The following UBE2M variants were observed in gnomAD, a reference collection of about 807,000 sequenced individuals.
UBE2M encodes NEDD8-conjugating enzyme Ubc12.
UBE2M carries 2 observed loss-of-function variants against 23.5 expected under a neutral mutation model. That is an observed-to-expected ratio of 0.09 (90% CI 0.03 to 0.27). UBE2M has a LOEUF of 0.27. Among genes scored for constraint, UBE2M ranks in the 10% least tolerant of loss-of-function variants. The probability of loss-of-function intolerance (pLI) is 1.00; values close to 1 mark genes in which losing one functional copy is unlikely to be tolerated. For missense variants in UBE2M, 103 were observed against 232.9 expected (o/e 0.44, Z 3.63); for synonymous variants, 97 against 95.2 (o/e 1.02, Z -0.11).
chr19:58,555,991 C>T lies in UBE2M; in HGVS notation c.*98G>A. 1 of 1,483,620 alleles carries T rather than the reference C, an allele frequency of 6.7e-7. No homozygotes were observed. Among genetic ancestry groups the T allele is most frequent in the Admixed American group, 2.1e-5 (1 of 48,028 alleles). 91.9% of individuals were successfully genotyped at this position (1,483,620 alleles called of 1,614,324 possible). Reference sequence around the variant, plus strand: ...GCAAGGCCAAGGCAGGGGATTCCCCCACCGGCCGCCCCCCAAACCCCTACC... The same window carrying T: ...GCAAGGCCAAGGCAGGGGATTCCCCTACCGGCCGCCCCCCAAACCCCTACC... On this transcript the variant is annotated 3_prime_UTR_variant, in exon 6 of 6. Transcript: ENST00000253023.
Position 58,556,629 on chromosome 19 carries a change from C to T in UBE2M, c.347+58G>A, listed in dbSNP as rs755219957. The T allele has an allele frequency of 1.4e-6, 2 of 1,433,494 alleles. No homozygotes were observed. The highest frequency in any genetic ancestry group is 1.9e-6 in the Non-Finnish European group (2 of 1,061,232). 88.8% of individuals were successfully genotyped at this position (1,433,494 alleles called of 1,614,324 possible). A position where few individuals can be genotyped will look rare whatever the true frequency, so the allele number is the denominator to read the frequency against. On this transcript the variant is annotated intron_variant, in intron 4 of 5. Transcript: ENST00000253023. The surrounding 1 kb of genome is among the most constrained non-coding windows in gnomAD (Gnocchi z 4.9). ...GAGTCTGATGTAGTGCCCACAAGAC[C>T]ATGAGGGAGGCCTGGCAGGCAGCGC...
In UBE2M at chr19:58,556,174, T is replaced by C; in HGVS notation, c.467A>G (p.Asn156Ser). 1 of 1,614,098 alleles carries C rather than the reference T, an allele frequency of 6.2e-7. No individual in the cohort carries two copies. Among genetic ancestry groups the C allele is most frequent in the Non-Finnish European group, 8.5e-7 (1 of 1,180,004 alleles). The change falls in exon 6 of 6, where the codon AAC becomes AGC. Residue 156 changes from asparagine to serine, a missense_variant. Asn to Ser is a conservative substitution (Grantham distance 46). Coordinates refer to ENST00000253023, the MANE Select transcript of UBE2M (RefSeq NM_003969.4). This position sits in a 1 kb window ranked among gnomAD's most constrained non-coding sequence, Gnocchi z 4.9. The part of the protein sequence containing the change: ...NKEAAEVLQN[N>S]RRLFEQNVQR... ...CACGTTCTGCTCAAACAGCCGCCGG[T>C]TGTTCTGCAGGACCTCTGCGGCCTC...
Position 58,555,999 on chromosome 19 carries a change from GC to G in UBE2M, c.*89del. The G allele has an allele frequency of 6.7e-7, 1 of 1,500,100 alleles. No individual in the cohort carries two copies. The highest frequency in any genetic ancestry group is 9.0e-7 in the Non-Finnish European group (1 of 1,115,270). 92.9% of individuals were successfully genotyped at this position (1,500,100 alleles called of 1,614,324 possible). On this transcript the variant is annotated 3_prime_UTR_variant, in exon 6 of 6. Transcript: ENST00000253023. ...AAGGCAGGGGATTCCCCCACCGGCC[GC>G]CCCCCAAACCCCTACCCATGGCCCC...
In UBE2M at chr19:58,557,169, T is replaced by C. The variant is rs539036249; in HGVS notation, c.110-12A>G. 49 of 1,612,848 alleles carry C rather than the reference T, an allele frequency of 3.0e-5. No individual in the cohort carries two copies. The South Asian group carries it at 3.1e-4, about 10-fold the overall frequency. On this transcript the variant is annotated splice_polypyrimidine_tract_variant and intron_variant, in intron 1 of 5. Coordinates refer to ENST00000253023, the MANE Select transcript of UBE2M (RefSeq NM_003969.4). Reference sequence around the variant, plus strand: ...CAGCTCGTTTATGTCTGGGTTTGGGTAGCAGAGAGTCGGGAACAGAAAGAG... The same window carrying C: ...CAGCTCGTTTATGTCTGGGTTTGGGCAGCAGAGAGTCGGGAACAGAAAGAG...
At position 58,558,045 on chromosome 19, in the gene UBE2M, G is replaced by A. The variant is rs926301644; in HGVS notation, c.109+228C>T. On this transcript the variant is annotated intron_variant, in intron 1 of 5. Transcript: ENST00000253023. This position sits in a 1 kb window ranked among gnomAD's most constrained non-coding sequence, Gnocchi z 4.7. Reference sequence around the variant, plus strand: ...TCCGAGTCCCTAGTAGCAGACACCAGGCCTTCCTAATATCCTAAACCACCA... The same window carrying A: ...TCCGAGTCCCTAGTAGCAGACACCAAGCCTTCCTAATATCCTAAACCACCA... Among the ~76,000 whole-genome samples the A allele has an allele frequency of 2.6e-5, 4 of 151,868 alleles. No homozygotes were observed. The highest frequency in any genetic ancestry group is 4.4e-5 in the Non-Finnish European group (3 of 67,972).
At chr19:58,557,638 C>G (rs1312043787) in intron 1 of UBE2M, among the ~76,000 whole-genome samples, 2 of 151,572 alleles carry the variant, frequency 1.3e-5, no homozygotes, top group Admixed American at 1.3e-4. Context: ...CCCCCACACT[C>G]TCAAGTCCCC....
chr19:58,557,403 C>T (rs1014902379), intron 1 of UBE2M, among the ~76,000 whole-genome samples: 3 of 151,988 alleles, frequency 2.0e-5, no homozygotes, highest in Non-Finnish European at 4.4e-5. Context: ...CGTGTCCCAA[C>T]TCCTGGCCCA....
At position 58,556,662 on chromosome 19, in the gene UBE2M, G is replaced by A. The variant is rs371953417; in HGVS notation, c.347+25C>T. 1.3e-6 allele frequency: 2 copies of A among 1,513,698 alleles called. No individual in the cohort carries two copies. Among genetic ancestry groups the A allele is most frequent in the South Asian group, 1.3e-5 (1 of 74,866 alleles). 93.8% of individuals were successfully genotyped at this position (1,513,698 alleles called of 1,614,324 possible). A position where few individuals can be genotyped will look rare whatever the true frequency, so the allele number is the denominator to read the frequency against. On this transcript the variant is annotated intron_variant, in intron 4 of 5. Transcript: ENST00000253023. The surrounding 1 kb of genome is among the most constrained non-coding windows in gnomAD (Gnocchi z 4.9). ...AGGCCTGGCAGGCAGCGCTGAGGAG[G>A]GCATTAGAGGGCCAGTGTCCTCACC...
At position 58,556,995 on chromosome 19, in the gene UBE2M, ATG is replaced by A; in HGVS notation, c.204+66_205-66del. Reference sequence around the variant, plus strand: ...TCCTGTGGGGCCCGATGGGCAGAACATGTCTCCCTCCTCTCAGTGGGGACACC... The same window carrying A: ...TCCTGTGGGGCCCGATGGGCAGAACATCTCCCTCCTCTCAGTGGGGACACC... On this transcript the variant is annotated intron_variant, in intron 2 of 5. Transcript: ENST00000253023. The surrounding 1 kb of genome is among the most constrained non-coding windows in gnomAD (Gnocchi z 4.9). 2.5e-6 allele frequency: 4 copies of A among 1,613,618 alleles called. No individual in the cohort carries two copies. Among genetic ancestry groups the A allele is most frequent in the Non-Finnish European group, 3.4e-6 (4 of 1,179,648 alleles).
Position 58,558,288 on chromosome 19 carries a change from G to A in UBE2M, c.94C>T (p.Leu32=). 1 of 1,602,858 alleles carries A rather than the reference G, an allele frequency of 6.2e-7. No individual in the cohort carries two copies. Among genetic ancestry groups the A allele is most frequent in the Admixed American group, 1.7e-5 (1 of 58,976 alleles). The change falls in exon 1 of 6, where the codon CTG becomes TTG. Residue 32 remains leucine (L), a synonymous_variant. Transcript: ENST00000253023. This position sits in a 1 kb window ranked among gnomAD's most constrained non-coding sequence, Gnocchi z 4.7. ...GSSKKASAAQ[L]RIQKDINELN... ...GACCCCCTACCCTTCTGGATCCGCA[G>A]CTGCGCCGCCGACGCCTTCTTGCTG... is the stretch of plus-strand genomic sequence containing the variant.
Position 58,556,731 on chromosome 19 carries a change from G to A in UBE2M, c.303C>T (p.His101=), listed in dbSNP as rs147860527. The A allele has an allele frequency of 3.2e-6, 5 of 1,547,030 alleles. No individual in the cohort carries two copies. The highest frequency in any genetic ancestry group is 4.4e-6 in the Non-Finnish European group (5 of 1,148,552). Residue 101 remains histidine, a synonymous_variant, in exon 4 of 6, where the codon CAC becomes CAT. Transcript: ENST00000253023. The surrounding 1 kb of genome is among the most constrained non-coding windows in gnomAD (Gnocchi z 4.9). ...CGTTGCCCTCGAGGTCAATGTTGGG[G>A]TGATAGACCATTGTCTCACACTTCA... The part of the protein sequence containing the change: ...PKVKCETMVY[H]PNIDLEGNVC...
intron 1 of UBE2M, among the ~76,000 whole-genome samples, chr19:58,557,901 C>T (rs1268681653): frequency 6.6e-6 from 1 of 151,926 alleles, no homozygotes; most frequent in African/African-American, 2.4e-5. Context: ...ACTCATATCC[C>T]CAACCCCTGG....
intron 2 of UBE2M, 34 bp downstream of exon 2, chr19:58,557,029 T>G: frequency 1.2e-6 from 2 of 1,613,932 alleles, no homozygotes; most frequent in Non-Finnish European, 1.7e-6. Context: ...CACCCTTGGT[T>G]TGCTCCTGGG....
At position 58,555,913 on chromosome 19, in the gene UBE2M, C is replaced by A; in HGVS notation, c.*176G>T. On this transcript the variant is annotated 3_prime_UTR_variant, in exon 6 of 6. Transcript: ENST00000253023. ...CGGGGGAGGCAGCGCCGACCTTAAT[C>A]ACATGGTGTTAAAAAAAAAAAAATA... The A allele has an allele frequency of 3.5e-6, 3 of 846,160 alleles. No homozygotes were observed. The highest frequency in any genetic ancestry group is 5.3e-6 in the Non-Finnish European group (3 of 563,146). 52.4% of individuals were successfully genotyped at this position (846,160 alleles called of 1,614,324 possible). A position where few individuals can be genotyped will look rare whatever the true frequency, so the allele number is the denominator to read the frequency against.
chr19:58,558,367 G>C lies in UBE2M; in HGVS notation c.15C>G (p.Phe5Leu). 6.5e-7 allele frequency: 1 copy of C among 1,547,166 alleles called. No homozygotes were observed. Among genetic ancestry groups the C allele is most frequent in the Non-Finnish European group, 8.7e-7 (1 of 1,148,590 alleles). ...CCTCCTTCTTCTGCTGCTTCAGCGAGAACAGCTTGATCATCCTGCCGCCGC... is the reference window on the plus strand; with the variant it reads ...CCTCCTTCTTCTGCTGCTTCAGCGACAACAGCTTGATCATCCTGCCGCCGC... MIKL[F>L]SLKQQKKEEE... is the part of the protein sequence containing the mutation. The change falls in exon 1 of 6, where the codon TTC becomes TTG. Residue 5 changes from phenylalanine (F) to leucine (L), a missense_variant. Phe to Leu is a conservative substitution (Grantham distance 22). Transcript: ENST00000253023. The surrounding 1 kb of genome is among the most constrained non-coding windows in gnomAD (Gnocchi z 4.7).
chr19:58,558,168 C>T lies in UBE2M; in HGVS notation c.109+105G>A, dbSNP rs188795607. 5.0e-6 allele frequency: 5 copies of T among 996,670 alleles called. No individual in the cohort carries two copies. In the African/African-American group the frequency reaches 5.1e-5, roughly 10 times the overall value. The allele number at this position is 996,670 out of a possible 1,614,324, so 61.7% of individuals were successfully genotyped here. ...CCCCCCCACGCTCGGGGCCCTTCAC[C>T]TCTGACCCTCAGCAACCGCATTACC... On this transcript the variant is annotated intron_variant, in intron 1 of 5. Transcript: ENST00000253023. This position sits in a 1 kb window ranked among gnomAD's most constrained non-coding sequence, Gnocchi z 4.7.
At position 58,556,063 on chromosome 19, in the gene UBE2M, G is replaced by A. The variant is rs1197251000; in HGVS notation, c.*26C>T. 2.2e-5 allele frequency: 35 copies of A among 1,585,240 alleles called. No homozygotes were observed. The highest frequency in any genetic ancestry group is 4.0e-5 in the African/African-American group (3 of 74,482). ...GCAGGGGATGCCAGGGCTTGTGGCC[G>A]TGGCGGGGGTGGGTATGCGCCAACC... is the stretch of plus-strand genomic sequence containing the variant. On this transcript the variant is annotated 3_prime_UTR_variant, in exon 6 of 6. Coordinates refer to ENST00000253023, the MANE Select transcript of UBE2M (RefSeq NM_003969.4). The surrounding 1 kb of genome is among the most constrained non-coding windows in gnomAD (Gnocchi z 4.9).
In UBE2M at chr19:58,556,838, C is replaced by T. The variant is rs1167857577; in HGVS notation, c.244-48G>A. The T allele has an allele frequency of 6.2e-7, 1 of 1,613,386 alleles. No individual in the cohort carries two copies. Among genetic ancestry groups the T allele is most frequent in the East Asian group, 2.2e-5 (1 of 44,900 alleles). ...GAGATGGGTAGGTGCCTGGAAGGGC[C>T]TCAGCTGCTGCCTCCTCTGTCCAGG... On this transcript the variant is annotated intron_variant, in intron 3 of 5. Coordinates refer to ENST00000253023, the MANE Select transcript of UBE2M (RefSeq NM_003969.4). This position sits in a 1 kb window ranked among gnomAD's most constrained non-coding sequence, Gnocchi z 4.9.
intron 1 of UBE2M, 24 bp from the exon 2 acceptor site, chr19:58,557,181 G>A (rs1014545987): frequency 6.2e-6 from 10 of 1,609,536 alleles, no homozygotes; most frequent in East Asian, 2.2e-5. Flanking sequence ...GCAGAGAGTC[G>A]GGAACAGAAA....
Sources: gnomAD v4.1 joint callset for allele counts (sites outside exome capture counted in the v4.1 genomes callset) on GRCh38, gnomAD v4.1.1 for gene constraint, Gnocchi (gnomAD v3.1) non-coding constraint, MANE v1.5 for transcripts, NCBI Gene and HGNC (gene_info 2026-07-23, HGNC 2026-07-21) for gene names.